GRIK4: variants seen among roughly 807,000 people sequenced by gnomAD.
The protein encoded by GRIK4 is glutamate ionotropic receptor kainate type subunit 4.
GRIK4 carries 40 observed loss-of-function variants against 104.9 expected under a neutral mutation model. The ratio of observed to expected loss-of-function variants is 0.38; its 90% CI spans 0.30 to 0.50. The LOEUF is 0.50. Among genes scored for constraint, GRIK4 ranks in the 20% least tolerant of loss-of-function variants. The pLI, the probability that GRIK4 is intolerant of heterozygous loss-of-function variation, is 0.93. For synonymous variants in GRIK4, 485 were observed against 524.9 expected (o/e 0.92, Z 1.04); for missense variants, 1,047 against 1,308.1 (o/e 0.80, Z 3.08).
chr11:120,602,187 C>T (rs1026428884), intron 1 of GRIK4, among the ~76,000 whole-genome samples: 1 of 152,188 alleles, frequency 6.6e-6, no homozygotes. Context: ...CCCCCTCTTT[C>T]TTCTTGGTTG....
intron 13 of GRIK4, among the ~76,000 whole-genome samples, chr11:120,918,184 C>T (rs1364218496): frequency 6.6e-6 from 1 of 152,214 alleles, no homozygotes; most frequent in Non-Finnish European, 1.5e-5. Flanking sequence ...CTCTGCCTTG[C>T]TCTCCTTCCC....
intron 3 of GRIK4, among the ~76,000 whole-genome samples, chr11:120,720,681 A>T (rs1950916290): frequency 6.6e-6 from 1 of 152,098 alleles, no homozygotes; most frequent in South Asian, 2.1e-4. Flanking sequence ...TTGTGATTTG[A>T]TATTTATTCT....
intron 3 of GRIK4, among the ~76,000 whole-genome samples, chr11:120,779,949 G>T (rs1218168091): frequency 6.6e-6 from 1 of 152,152 alleles, no homozygotes; most frequent in Non-Finnish European, 1.5e-5. Context: ...CCTTGAGTTG[G>T]GGCAGCCTGT....
intron 13 of GRIK4, among the ~76,000 whole-genome samples, chr11:120,928,572 G>A (rs1324236158): frequency 6.6e-6 from 1 of 152,144 alleles, no homozygotes; most frequent in African/African-American, 2.4e-5. Context: ...AGGGTAAATA[G>A]TATCTGCTTG....
intron 1 of GRIK4, among the ~76,000 whole-genome samples, chr11:120,618,687 G>T (rs1043166325): frequency 3.9e-5 from 6 of 152,208 alleles, no homozygotes; most frequent in African/African-American, 1.4e-4. Context: ...CTCCAGCCGA[G>T]GCTCAAAGGG....
intron 8 of GRIK4, among the ~76,000 whole-genome samples, chr11:120,853,825 A>C (rs1183092094): frequency 6.6e-6 from 1 of 152,244 alleles, no homozygotes; most frequent in Non-Finnish European, 1.5e-5. Flanking sequence ...TGAAGTTGTC[A>C]ATCATTAACA....
At chr11:120,937,064 GTC>G (rs1167819458) in intron 13 of GRIK4, among the ~76,000 whole-genome samples, 3 of 152,258 alleles carry the variant, frequency 2.0e-5, no homozygotes, top group East Asian at 3.9e-4. Flanking sequence ...TTAAGATGGA[GTC>G]TCTCTCTGTT....
rs1195729595 is a variant in GRIK4 at position 120,551,925 on chromosome 11, GC to G, written c.-159+40040del. 8.5e-5 allele frequency among the ~76,000 whole-genome samples: 13 copies of G among 152,360 alleles called. No individual in the cohort carries two copies. The East Asian group carries it at 2.5e-3, about 29-fold the overall frequency. On this transcript the variant is annotated intron_variant, in intron 1 of 20. Coordinates refer to ENST00000527524, the MANE Select transcript of GRIK4 (RefSeq NM_014619.5). ...CACGTGGCGGTTCCTGGAGGGTGGT[GC>G]CTGGGGAGGGCATATAAGCCCTGCG...
rs1394324713 is a variant in GRIK4, at chr11:120,903,869, A to T, written c.1273-1421A>T. ...GCTGCCCCCACCACGCCTGCCTTCA[A>T]AAGGTCGGCAGTGACACATGATCAA... On this transcript the variant is annotated intron_variant, in intron 12 of 20. Transcript: ENST00000527524. This position sits in a 1 kb window ranked among gnomAD's most constrained non-coding sequence, Gnocchi z 4.4. Among the ~76,000 whole-genome samples, 1 of 152,146 alleles carries T rather than the reference A, an allele frequency of 6.6e-6. No individual in the cohort carries two copies. The highest frequency in any genetic ancestry group is 1.5e-5 in the Non-Finnish European group (1 of 68,024).
chr11:120,879,094 C>T (rs933919049), intron 11 of GRIK4, among the ~76,000 whole-genome samples: 3 of 152,162 alleles, frequency 2.0e-5, no homozygotes, highest in African/African-American at 7.2e-5. Context: ...GCTCAGGGAG[C>T]GGAAGGAACT....
At chr11:120,938,303 A>G (rs981341965) in intron 13 of GRIK4, among the ~76,000 whole-genome samples, 12 of 152,380 alleles carry the variant, frequency 7.9e-5, no homozygotes, top group Admixed American at 5.2e-4. Context: ...GCAAGTGTCA[A>G]TTCACTTGCT....
intron 1 of GRIK4, among the ~76,000 whole-genome samples, chr11:120,620,728 C>T (rs1346581822): frequency 1.3e-5 from 2 of 152,126 alleles, no homozygotes; most frequent in Admixed American, 1.3e-4. Context: ...GCTCCAATCA[C>T]ATCAGGTATT....
Position 120,874,077 on chromosome 11 carries a change from C to T in GRIK4, c.918C>T (p.Ala306=). 1 of 1,608,214 alleles carries T rather than the reference C, an allele frequency of 6.2e-7. No homozygotes were observed. Among genetic ancestry groups the T allele is most frequent in the Non-Finnish European group, 8.5e-7 (1 of 1,175,152 alleles). ...CCGGCCTCTCCCAGCTCTCCTCGGCCCTGCTGTTTGATGCTGTCTATGCTG... is the reference window on the plus strand; with the variant it reads ...CCGGCCTCTCCCAGCTCTCCTCGGCTCTGCTGTTTGATGCTGTCTATGCTG... ...VPFTGPALSS[A]LLFDAVYAVV... is the part of the protein sequence containing the mutation. Residue 306 remains alanine (A), a synonymous_variant, in exon 10 of 21, where the codon GCC becomes GCT. Coordinates refer to ENST00000527524, the MANE Select transcript of GRIK4 (RefSeq NM_014619.5).
intron 3 of GRIK4, among the ~76,000 whole-genome samples, chr11:120,753,297 C>CTGTGTGTG (rs57423619): frequency 4.7e-3 from 618 of 130,244 alleles, no homozygotes; most frequent in East Asian, 0.016. Flanking sequence ...CAACACAACT[C>CTGTGTGTG]TGTGTGTGTG....
chr11:120,957,209 G>A (rs1343397633), intron 16 of GRIK4, among the ~76,000 whole-genome samples: 1 of 152,234 alleles, frequency 6.6e-6, no homozygotes, highest in Non-Finnish European at 1.5e-5. Context: ...GGGAGAGGAG[G>A]TGACAAAACA....
At chr11:120,906,925 C>T (rs111821730) in intron 13 of GRIK4, among the ~76,000 whole-genome samples, 2,864 of 152,284 alleles carry the variant, frequency 0.019, 96 homozygotes, top group African/African-American at 0.066. Context: ...TGCAAACAGA[C>T]GGCTGACAAG....
At chr11:120,857,900 A>G (rs1184692206) in intron 8 of GRIK4, among the ~76,000 whole-genome samples, 6 of 152,228 alleles carry the variant, frequency 3.9e-5, no homozygotes, top group African/African-American at 1.4e-4. Flanking sequence ...ACAATGCAAC[A>G]TGGGGTCCAT....
intron 3 of GRIK4, among the ~76,000 whole-genome samples, chr11:120,737,182 T>C (rs1350954794): frequency 6.6e-6 from 1 of 152,230 alleles, no homozygotes; most frequent in East Asian, 1.9e-4. Flanking sequence ...TCTTGAAAAC[T>C]GAGTAAATAC....
chr11:120,569,187 T>A (rs1462738226), intron 1 of GRIK4, among the ~76,000 whole-genome samples: 3 of 152,204 alleles, frequency 2.0e-5, no homozygotes, highest in Admixed American at 2.0e-4. Flanking sequence ...TGCTACAAGC[T>A]GGATAATAGA....
Sources: gnomAD v4.1 joint callset for allele counts (sites outside exome capture counted in the v4.1 genomes callset) on GRCh38, gnomAD v4.1.1 for gene constraint, Gnocchi (gnomAD v3.1) non-coding constraint, MANE v1.5 for transcripts, NCBI Gene and HGNC (gene_info 2026-07-23, HGNC 2026-07-21) for gene names.